NDUFA10: variants seen among roughly 807,000 people sequenced by gnomAD.
The protein encoded by NDUFA10 is NADH dehydrogenase [ubiquinone] 1 alpha subcomplex subunit 10, mitochondrial.
In NDUFA10, 40 loss-of-function variants were observed where a neutral mutation model predicts 47.8. The observed-to-expected ratio is 0.84, with a 90% CI of 0.65 to 1.09. NDUFA10 has a LOEUF of 1.09. Ranked by LOEUF, NDUFA10 falls within the 50% of genes least tolerant of loss-of-function variation. The probability of loss-of-function intolerance (pLI) is 0.00; values close to 1 mark genes in which losing one functional copy is unlikely to be tolerated. For synonymous variants in NDUFA10, 183 were observed against 172.2 expected (o/e 1.06, Z -0.49); for missense variants, 413 against 451.1 (o/e 0.92, Z 0.76).
At chr2:239,900,413 C>T (rs1385048410) in intron 4 of NDUFA10, among the ~76,000 whole-genome samples, 2 of 142,202 alleles carry the variant, frequency 1.4e-5, no homozygotes, top group Admixed American at 7.2e-5. Flanking sequence ...AGGCCTCTAG[C>T]CAGGGCACAC....
intron 8 of NDUFA10, among the ~76,000 whole-genome samples, chr2:240,003,738 G>A (rs890009554): frequency 6.6e-6 from 1 of 152,178 alleles, no homozygotes; most frequent in African/African-American, 2.4e-5. Flanking sequence ...CGCTGGATAT[G>A]AGGCCTGTAC....
At chr2:239,976,667 T>C (rs1695535518) in intron 9 of NDUFA10, 1 of 152,168 alleles carries the variant, frequency 6.6e-6, no homozygotes, top group Admixed American at 6.5e-5. Context: ...GCCAGACGAA[T>C]GCACAGGGAA....
intron 9 of NDUFA10, among the ~76,000 whole-genome samples, chr2:239,974,139 G>C (rs2106414267): frequency 6.6e-6 from 1 of 152,246 alleles, no homozygotes; most frequent in Middle Eastern, 3.4e-3. Flanking sequence ...ATGTTGGCCA[G>C]GCTGATCTCC....
intron 8 of NDUFA10, among the ~76,000 whole-genome samples, chr2:239,996,169 C>T (rs776163665): frequency 2.4e-4 from 36 of 152,082 alleles, no homozygotes; most frequent in Non-Finnish European, 3.7e-4. Flanking sequence ...GTAAGGATAC[C>T]GATGACTTGA....
chr2:240,022,643 GA>G (rs1302268898), intron 1 of NDUFA10, among the ~76,000 whole-genome samples: 2 of 149,998 alleles, frequency 1.3e-5, no homozygotes, highest in African/African-American at 2.4e-5. Flanking sequence ...GGGAGGGAGG[GA>G]GGGGTGGATG....
chr2:239,894,982 C>T (rs577153271), intron 5 of NDUFA10, among the ~76,000 whole-genome samples: 2 of 152,282 alleles, frequency 1.3e-5, no homozygotes, highest in South Asian at 2.1e-4. Context: ...GGTAAAGACA[C>T]CCCATCCACC....
At chr2:239,908,534 T>C (rs957759814) in intron 4 of NDUFA10, among the ~76,000 whole-genome samples, 1 of 152,186 alleles carries the variant, frequency 6.6e-6, no homozygotes, top group African/African-American at 2.4e-5. Context: ...TCCCTTCCTG[T>C]CCCATGGGGA....
chr2:239,996,693 C>T (rs759725921), intron 8 of NDUFA10, among the ~76,000 whole-genome samples: 7 of 152,190 alleles, frequency 4.6e-5, no homozygotes, highest in Non-Finnish European at 1.0e-4. Context: ...GCACACACTC[C>T]CCACACACTT....
intron 9 of NDUFA10, among the ~76,000 whole-genome samples, chr2:239,981,524 TCA>T (rs1305037265): frequency 6.6e-6 from 1 of 152,154 alleles, no homozygotes; most frequent in South Asian, 2.1e-4. Flanking sequence ...TAGACCCATC[TCA>T]CAAAACTACA....
intron 4 of NDUFA10, among the ~76,000 whole-genome samples, chr2:239,903,544 G>T (rs143682989): frequency 6.6e-6 from 1 of 152,240 alleles, no homozygotes; most frequent in African/African-American, 2.4e-5. Flanking sequence ...GACATAAGGC[G>T]TGAGCATGCC....
intron 4 of NDUFA10, chr2:239,943,103 A>G (rs1019711524): frequency 6.5e-6 from 1 of 154,444 alleles, no homozygotes; most frequent in Non-Finnish European, 1.5e-5. Flanking sequence ...CCACAGGCCA[A>G]CGCATCCCTG....
At chr2:239,966,486 G>A (rs76339276) in intron 9 of NDUFA10, among the ~76,000 whole-genome samples, 7,073 of 152,116 alleles carry the variant, frequency 0.046, 575 homozygotes, top group African/African-American at 0.16. Flanking sequence ...TTCTTCTCCC[G>A]GAAAACCCCA....
chr2:239,922,031 TCCTTCCTTCCCTTCTTCCCTCCCTC>T (rs144221595), intron 4 of NDUFA10, among the ~76,000 whole-genome samples: 1 of 133,260 alleles, frequency 7.5e-6, no homozygotes, highest in South Asian at 2.9e-4. Flanking sequence ...CTTCCTTCTT[TCCTTCCTTCCCTTCTTCCCTCCCTC>T]CCTTCCTTCT....
chr2:239,989,004 C>T (rs567185995), intron 9 of NDUFA10, among the ~76,000 whole-genome samples: 45 of 121,626 alleles, frequency 3.7e-4, no homozygotes, highest in African/African-American at 1.1e-3. Flanking sequence ...CACTCACACA[C>T]GTGTACAAGG....
chr2:240,012,054 G>A lies in NDUFA10; in HGVS notation c.670-358C>T, dbSNP rs563046712. 19 of 335,308 alleles carry A rather than the reference G, an allele frequency of 5.7e-5. No individual in the cohort carries two copies. In the East Asian group the frequency reaches 1.1e-3, roughly 20 times the overall value. 20.8% of individuals were successfully genotyped at this position (335,308 alleles called of 1,614,324 possible). A position where few individuals can be genotyped will look rare whatever the true frequency, so the allele number is the denominator to read the frequency against. On this transcript the variant is annotated intron_variant, in intron 5 of 9. Coordinates refer to ENST00000252711, the MANE Select transcript of NDUFA10 (RefSeq NM_004544.4). ...AAGAGCACCAAAAATTGGGGGCAGCGGCCTGTCTGTCCGCCATCTGTCCTC... is the reference window on the plus strand; with the variant it reads ...AAGAGCACCAAAAATTGGGGGCAGCAGCCTGTCTGTCCGCCATCTGTCCTC...
chr2:239,926,544 G>A (rs1448100654), intron 4 of NDUFA10, among the ~76,000 whole-genome samples: 6 of 151,990 alleles, frequency 3.9e-5, no homozygotes, highest in Admixed American at 1.3e-4. Context: ...AATAACTGAC[G>A]ATATTTCTGG....
intron 4 of NDUFA10, among the ~76,000 whole-genome samples, chr2:239,934,177 C>A (rs1486561421): frequency 6.6e-6 from 1 of 152,140 alleles, no homozygotes; most frequent in African/African-American, 2.4e-5. Flanking sequence ...CCATGCCTGG[C>A]CAGATTTAAG....
rs184921001 is a variant in NDUFA10, at chr2:240,000,954, C to A, written c.890+4256G>T. ...TAACGACACCTTTCTTAGAACATAT[C>A]CCTGTCGTTAAGCAACACAGAACTA... On this transcript the variant is annotated intron_variant, in intron 8 of 9. Coordinates refer to ENST00000252711, the MANE Select transcript of NDUFA10 (RefSeq NM_004544.4). 1.8e-3 allele frequency among the ~76,000 whole-genome samples: 280 copies of A among 152,324 alleles called. 4 individuals are homozygous for A. The highest frequency in any genetic ancestry group is 6.1e-3 in the African/African-American group (254 of 41,568).
At chr2:240,000,748 T>A (rs1696675886) in intron 8 of NDUFA10, among the ~76,000 whole-genome samples, 1 of 152,182 alleles carries the variant, frequency 6.6e-6, no homozygotes, top group African/African-American at 2.4e-5. Flanking sequence ...ATTTTTTATG[T>A]TTAGATACAC....
Sources: allele counts gnomAD v4.1 joint callset (sites outside exome capture counted in the v4.1 genomes callset), GRCh38; gene constraint gnomAD v4.1.1; transcripts MANE v1.5; gene names NCBI Gene and HGNC (gene_info 2026-07-23, HGNC 2026-07-21).